The following SLC24A2 variants were observed in gnomAD, a reference collection of about 807,000 sequenced individuals.
SLC24A2 encodes the protein solute carrier family 24 member 2.
SLC24A2 carries 36 observed loss-of-function variants against 62.0 expected under a neutral mutation model. The observed-to-expected ratio is 0.58, with a 90% CI of 0.44 to 0.77. SLC24A2 has a LOEUF of 0.77. SLC24A2 is among the 30% of genes least tolerant of loss of function. The pLI, the probability that SLC24A2 is intolerant of heterozygous loss-of-function variation, is 0.00. For synonymous variants in SLC24A2, 358 were observed against 294.0 expected, an observed-to-expected ratio of 1.22 and a Z score of -2.23; for missense variants, 846 against 817.9, an observed-to-expected ratio of 1.03 and a Z score of -0.42.
At chr9:19,628,737 C>A (rs952351483) in intron 2 of SLC24A2, among the ~76,000 whole-genome samples, 4 of 152,172 alleles carry the variant, frequency 2.6e-5, no homozygotes, top group African/African-American at 9.7e-5. Flanking sequence ...AGGTGTCCAA[C>A]CTTTTGGCTT....
intron 2 of SLC24A2, among the ~76,000 whole-genome samples, chr9:19,695,991 A>T (rs760781906): frequency 6.6e-6 from 1 of 152,186 alleles, no homozygotes; most frequent in Non-Finnish European, 1.5e-5. Flanking sequence ...GACCAGTACC[A>T]GTCTGTGGCC....
intron 9 of SLC24A2, among the ~76,000 whole-genome samples, chr9:19,524,569 G>A (rs2132648417): frequency 6.6e-6 from 1 of 152,272 alleles, no homozygotes; most frequent in Admixed American, 6.5e-5. Context: ...AACTGCTATG[G>A]ATTTTATAGT....
the SLC24A2 span, among the ~76,000 whole-genome samples, chr9:20,084,581 A>G: frequency 6.6e-6 from 1 of 151,382 alleles, no homozygotes; most frequent in East Asian, 1.9e-4. Context: ...ACCTCAGTGA[A>G]CTCTCCAGAG....
chr9:19,941,058 G>T, the SLC24A2 span, among the ~76,000 whole-genome samples: 1 of 152,168 alleles, frequency 6.6e-6, no homozygotes, highest in African/African-American at 2.4e-5. Context: ...ATCTTCAAAG[G>T]TTGGGGGAGG....
At chr9:19,650,490 G>A (rs1818768037) in intron 2 of SLC24A2, among the ~76,000 whole-genome samples, 1 of 152,170 alleles carries the variant, frequency 6.6e-6, no homozygotes, top group African/African-American at 2.4e-5. Context: ...CTGCAGTTGT[G>A]AACCAGCCCT....
Position 19,636,314 on chromosome 9 carries a change from CTTTTCTTTCTTT to C in SLC24A2, c.931-14027_931-14016del, listed in dbSNP as rs1564009633. Among the ~76,000 whole-genome samples the C allele has an allele frequency of 5.2e-3, 110 of 21,194 alleles. 9 individuals carry two copies. Among genetic ancestry groups the C allele is most frequent in the South Asian group, 0.015 (7 of 466 alleles). 13.9% of individuals were successfully genotyped at this position (21,194 alleles called of 152,430 possible). On this transcript the variant is annotated intron_variant, in intron 2 of 10. Transcript: ENST00000341998. ...CTTTTCTTTTCTTTTCTTTTCTTTT[CTTTTCTTTCTTT>C]CTTTCTTTCTTTCTTTCTTTCTTTC...
At chr9:19,933,453 T>C in the SLC24A2 span, among the ~76,000 whole-genome samples, 1 of 152,168 alleles carries the variant, frequency 6.6e-6, no homozygotes, top group African/African-American at 2.4e-5. Context: ...TCTCATTTAT[T>C]TGATTCTTAG....
intron 2 of SLC24A2, among the ~76,000 whole-genome samples, chr9:19,648,182 C>T (rs1388094396): frequency 6.6e-6 from 1 of 152,142 alleles, no homozygotes; most frequent in Admixed American, 6.6e-5. Flanking sequence ...TCTTCATTAG[C>T]CACATGGGGA....
the SLC24A2 span, among the ~76,000 whole-genome samples, chr9:19,802,186 G>T: frequency 2.0e-5 from 3 of 152,272 alleles, no homozygotes; most frequent in Non-Finnish European, 4.4e-5. Flanking sequence ...CTCTATGACT[G>T]GTTGGCCAAT....
the SLC24A2 span, among the ~76,000 whole-genome samples, chr9:20,097,227 T>A: frequency 2.0e-5 from 3 of 152,144 alleles, no homozygotes; most frequent in Non-Finnish European, 4.4e-5. Context: ...GTAGATATAA[T>A]AGGATGATTG....
chr9:19,545,149 T>A (rs1030282383), intron 8 of SLC24A2, among the ~76,000 whole-genome samples: 1 of 152,060 alleles, frequency 6.6e-6, no homozygotes, highest in African/African-American at 2.4e-5. Context: ...TTCTCTAATC[T>A]TGTCTTCTCA....
At chr9:20,008,367 G>C in the SLC24A2 span, among the ~76,000 whole-genome samples, 29 of 151,670 alleles carry the variant, frequency 1.9e-4, no homozygotes, top group African/African-American at 5.8e-4. Context: ...TCTTCGCCTG[G>C]CTCTGTCTGC....
chr9:19,910,321 C>T, the SLC24A2 span, among the ~76,000 whole-genome samples: 30 of 152,126 alleles, frequency 2.0e-4, no homozygotes, highest in African/African-American at 4.8e-4. Context: ...AAAATAATTC[C>T]GCTTCTCTCC....
At chr9:20,114,913 G>A in the SLC24A2 span, among the ~76,000 whole-genome samples, 3 of 152,120 alleles carry the variant, frequency 2.0e-5, no homozygotes, top group African/African-American at 4.8e-5. Flanking sequence ...CGGACTGACA[G>A]GGGAAAAGAC....
At chr9:20,233,553 G>A in the SLC24A2 span, among the ~76,000 whole-genome samples, 3 of 152,098 alleles carry the variant, frequency 2.0e-5, no homozygotes, top group East Asian at 3.9e-4. Context: ...TGCAACCCCT[G>A]CCTTTTTTTG....
the SLC24A2 span, among the ~76,000 whole-genome samples, chr9:19,946,153 C>CTT: frequency 6.6e-6 from 1 of 152,174 alleles, no homozygotes; most frequent in Admixed American, 6.5e-5. Flanking sequence ...TGAGCAAAGG[C>CTT]GGCCATCCCT....
At chr9:19,866,074 T>C in the SLC24A2 span, among the ~76,000 whole-genome samples, 1 of 152,158 alleles carries the variant, frequency 6.6e-6, no homozygotes, top group Non-Finnish European at 1.5e-5. Flanking sequence ...AATACATACA[T>C]ATGGCAAACA....
At chr9:19,867,934 A>C in the SLC24A2 span, among the ~76,000 whole-genome samples, 3 of 152,074 alleles carry the variant, frequency 2.0e-5, no homozygotes, top group East Asian at 1.9e-4. Context: ...AACAAACAAA[A>C]AAAAACTTTT....
At chr9:20,245,551 G>C in the SLC24A2 span, among the ~76,000 whole-genome samples, 1 of 152,186 alleles carries the variant, frequency 6.6e-6, no homozygotes, top group East Asian at 1.9e-4. Context: ...GGCTTAGATT[G>C]CTGTACTAAG....
Sources: allele counts gnomAD v4.1 joint callset (sites outside exome capture counted in the v4.1 genomes callset), GRCh38; gene constraint gnomAD v4.1.1; transcripts MANE v1.5; gene names NCBI Gene and HGNC (gene_info 2026-07-23, HGNC 2026-07-21).